The following TTC6 variants were observed in gnomAD, a reference collection of about 807,000 sequenced individuals.
TTC6 encodes tetratricopeptide repeat domain 6, also known as tetratricopeptide repeat protein 6.
TTC6 carries 172 observed loss-of-function variants against 210.4 expected under a neutral mutation model. The ratio of observed to expected loss-of-function variants is 0.82; its 90% CI spans 0.72 to 0.93. TTC6 has a LOEUF of 0.93. TTC6 is among the 40% of genes least tolerant of loss of function. The pLI is 0.00. For missense variants in TTC6, 2,414 were observed against 2,318.1 expected (o/e 1.04, Z -0.85); for synonymous variants, 804 against 819.6 (o/e 0.98, Z 0.32).
At chr14:37,756,813 T>C (rs1391820466) in intron 14 of TTC6, among the ~76,000 whole-genome samples, 1 of 152,192 alleles carries the variant, frequency 6.6e-6, no homozygotes, top group African/African-American at 2.4e-5. Flanking sequence ...ATTTTCTTTT[T>C]TTTTGTTGTG....
chr14:37,752,725 G>A (rs2095956011), intron 13 of TTC6, among the ~76,000 whole-genome samples: 1 of 151,940 alleles, frequency 6.6e-6, no homozygotes, highest in African/African-American at 2.4e-5. Flanking sequence ...TTATGTGATT[G>A]AATCAGCCTT....
chr14:37,827,080 C>T (rs981180505), intron 28 of TTC6, 116 bp from the exon 31 acceptor site: 15 of 786,928 alleles, frequency 1.9e-5, no homozygotes, highest in Non-Finnish European at 2.8e-5. Flanking sequence ...GTTTTACATG[C>T]ACTATAAAAT....
chr14:37,603,070 G>A (rs1255209826), intron 1 of TTC6, among the ~76,000 whole-genome samples: 2 of 152,156 alleles, frequency 1.3e-5, no homozygotes, highest in Non-Finnish European at 2.9e-5. Context: ...TGCAGGTGCT[G>A]GATGGGAATA....
At chr14:37,816,311 C>T (rs1442978097) in intron 25 of TTC6, among the ~76,000 whole-genome samples, 1 of 152,080 alleles carries the variant, frequency 6.6e-6, no homozygotes, top group Non-Finnish European at 1.5e-5. Context: ...ATTTATCCTA[C>T]CCTTCAAAGA....
intron 5 of TTC6, among the ~76,000 whole-genome samples, chr14:37,702,582 A>C (rs1484766589): frequency 1.3e-5 from 2 of 152,174 alleles, no homozygotes; most frequent in African/African-American, 4.8e-5. Context: ...AATGTACTGC[A>C]TGTTTTAAGA....
At chr14:37,786,804 A>G (rs915816835) in intron 14 of TTC6, among the ~76,000 whole-genome samples, 3 of 152,198 alleles carry the variant, frequency 2.0e-5, no homozygotes, top group Non-Finnish European at 4.4e-5. Context: ...TAGGCAACCT[A>G]GTAGCTTCTT....
intron 29 of TTC6, among the ~76,000 whole-genome samples, chr14:37,839,002 C>A (rs1175706347): frequency 6.6e-6 from 1 of 152,224 alleles, no homozygotes; most frequent in African/African-American, 2.4e-5. Context: ...TTCATGGCTG[C>A]ATAGTATTCC....
At chr14:37,710,736 C>T (rs1401615283) in intron 5 of TTC6, among the ~76,000 whole-genome samples, 1 of 152,144 alleles carries the variant, frequency 6.6e-6, no homozygotes, top group Non-Finnish European at 1.5e-5. Context: ...TCCAAAGGCT[C>T]ACTCTTTCCA....
chr14:37,770,879 AT>A (rs2096016072), intron 14 of TTC6, among the ~76,000 whole-genome samples: 1 of 147,848 alleles, frequency 6.8e-6, no homozygotes, highest in African/African-American at 2.5e-5. Context: ...TCATTAGTTG[AT>A]GCAGTTTCTT....
chr14:37,704,487 A>G (rs933711226), intron 5 of TTC6, among the ~76,000 whole-genome samples: 2 of 151,996 alleles, frequency 1.3e-5, no homozygotes, highest in African/African-American at 2.4e-5. Context: ...TATTATTTTT[A>G]TCCATTTCTT....
intron 1 of TTC6, among the ~76,000 whole-genome samples, chr14:37,658,836 C>T (rs940065423): frequency 2.0e-5 from 3 of 152,160 alleles, no homozygotes; most frequent in Non-Finnish European, 4.4e-5. Context: ...AAACTCACGT[C>T]ATGGGGATTT....
chr14:37,800,675 G>C (rs1328186162), intron 20 of TTC6, among the ~76,000 whole-genome samples: 1 of 152,128 alleles, frequency 6.6e-6, no homozygotes, highest in African/African-American at 2.4e-5. Context: ...TTGTCCCTCA[G>C]GCATCTCAGC....
At chr14:37,798,623 A>G (rs2096098163) in intron 20 of TTC6, among the ~76,000 whole-genome samples, 1 of 151,928 alleles carries the variant, frequency 6.6e-6, no homozygotes, top group African/African-American at 2.4e-5. Flanking sequence ...TGCTGGCTAG[A>G]AACTCCAAGA....
At chr14:37,695,170 G>C (rs1019595642) in intron 3 of TTC6, among the ~76,000 whole-genome samples, 1 of 151,514 alleles carries the variant, frequency 6.6e-6, no homozygotes, top group African/African-American at 2.4e-5. Flanking sequence ...TCACTTATTT[G>C]TGGGATCTAA....
At chr14:37,732,180 T>C (rs1799578661) in intron 7 of TTC6, among the ~76,000 whole-genome samples, 1 of 122,068 alleles carries the variant, frequency 8.2e-6, no homozygotes, top group Admixed American at 8.5e-5. Context: ...ATTCTTTTTT[T>C]TTTTTTTTTT....
At chr14:37,660,643 A>T (rs2095735496) in intron 1 of TTC6, among the ~76,000 whole-genome samples, 1 of 152,232 alleles carries the variant, frequency 6.6e-6, no homozygotes, top group African/African-American at 2.4e-5. Context: ...ACAGTGCTGC[A>T]GTGAACATTT....
chr14:37,608,526 T>C (rs2095629143), intron 2 of TTC6, among the ~76,000 whole-genome samples: 1 of 152,118 alleles, frequency 6.6e-6, no homozygotes, highest in Non-Finnish European at 1.5e-5. Context: ...AGGCTGGTCT[T>C]GAACTCCTGG....
intron 1 of TTC6, among the ~76,000 whole-genome samples, chr14:37,637,099 A>G (rs2095682333): frequency 6.6e-6 from 1 of 152,158 alleles, no homozygotes; most frequent in Admixed American, 6.6e-5. Context: ...ACAACAACAA[A>G]CAAACAAACC....
chr14:37,750,769 A>G (rs2095949412), intron 12 of TTC6, among the ~76,000 whole-genome samples: 1 of 152,154 alleles, frequency 6.6e-6, no homozygotes, highest in African/African-American at 2.4e-5. Flanking sequence ...ATGCATCTGT[A>G]GTCCCAGCTA....
Sources: allele counts gnomAD v4.1 joint callset (sites outside exome capture counted in the v4.1 genomes callset), GRCh38; gene constraint gnomAD v4.1.1; transcripts MANE v1.5; gene names NCBI Gene and HGNC (gene_info 2026-07-23, HGNC 2026-07-21).